Variants in GSAP observed in about 807,000 individuals in gnomAD.
The protein encoded by GSAP is gamma-secretase-activating protein.
GSAP carries 118 observed loss-of-function variants against 131.7 expected under a neutral mutation model. The observed-to-expected ratio is 0.90, with a 90% confidence interval of 0.77 to 1.04. The LOEUF is 1.04. Among genes scored for constraint, GSAP ranks in the 50% least tolerant of loss-of-function variants. GSAP has a pLI of 0.00. For missense variants in GSAP, 1,019 were observed against 1,013.2 expected, an observed-to-expected ratio of 1.01 and a Z score of -0.08; for synonymous variants, 381 against 363.4, an observed-to-expected ratio of 1.05 and a Z score of -0.55.
At chr7:77,362,699 C>T (rs1794716919) in intron 12 of GSAP, 39 bp from the exon 13 acceptor site, 5 of 1,158,542 alleles carry the variant, frequency 4.3e-6, no homozygotes, top group Non-Finnish European at 6.5e-6. Context: ...TTAACAGAAT[C>T]TATGTCATAA....
In GSAP at chr7:77,323,702, TGTAG is replaced by T; in HGVS notation, c.1864_1867del (p.Leu622ArgfsTer3). On this transcript the variant is annotated frameshift_variant, in exon 24 of 31. Transcript: ENST00000257626. LOFTEE classifies it high-confidence loss of function. ...TTCAATTTTCTTCTTTTCTACACCC[TGTAG>T]GTGTCTCAAAAAATGGTCTTTTAGC... 1 of 1,606,248 alleles carries T rather than the reference TGTAG, an allele frequency of 6.2e-7. No homozygotes were observed. Among genetic ancestry groups the T allele is most frequent in the East Asian group, 2.2e-5 (1 of 44,668 alleles).
intron 23 of GSAP, 95 bp from the exon 24 acceptor site, chr7:77,323,837 T>C: frequency 1.8e-6 from 1 of 544,578 alleles, no homozygotes; most frequent in South Asian, 2.5e-5. Context: ...TCTTCATCAA[T>C]ATAAAAAATA....
chr7:77,379,954 A>T, intron 8 of GSAP: 1 of 875,090 alleles, frequency 1.1e-6, no homozygotes, highest in Non-Finnish European at 1.4e-6. Context: ...TTAACTTTAA[A>T]ATCTTCAGAG....
intron 19 of GSAP, among the ~76,000 whole-genome samples, chr7:77,348,962 ACGTGCG>A (rs1339392826): frequency 2.6e-5 from 4 of 152,144 alleles, no homozygotes; most frequent in African/African-American, 7.2e-5. Context: ...GTGCACGTGC[ACGTGCG>A]CAAGCTCATT....
intron 1 of GSAP, among the ~76,000 whole-genome samples, chr7:77,412,151 C>T (rs959331995): frequency 2.0e-5 from 3 of 152,096 alleles, no homozygotes; most frequent in African/African-American, 7.2e-5. Flanking sequence ...TGCACTCCAG[C>T]TGGGTGACAG....
At chr7:77,353,765 T>C in intron 16 of GSAP, 124 bp from the exon 17 acceptor site, 2 of 625,776 alleles carry the variant, frequency 3.2e-6, no homozygotes, top group South Asian at 1.9e-5. Context: ...CCTAAGAATA[T>C]ACTCACTTCT....
At chr7:77,397,889 ACCTCAGT>A (rs1188127239) in intron 3 of GSAP, among the ~76,000 whole-genome samples, 8 of 152,176 alleles carry the variant, frequency 5.3e-5, no homozygotes, top group African/African-American at 1.9e-4. Context: ...GTAATTAATT[ACCTCAGT>A]AATCATTAGT....
chr7:77,313,484 T>C lies in GSAP; in HGVS notation c.2271+4A>G. 1 of 1,488,190 alleles carries C rather than the reference T, an allele frequency of 6.7e-7. No homozygotes were observed. Among genetic ancestry groups the C allele is most frequent in the Non-Finnish European group, 9.4e-7 (1 of 1,067,408 alleles). The allele number at this position is 1,488,190 out of a possible 1,614,324, so 92.2% of individuals were successfully genotyped here. On this transcript the variant is annotated splice_donor_region_variant and intron_variant, in intron 28 of 30. Coordinates refer to ENST00000257626, the MANE Select transcript of GSAP (RefSeq NM_017439.4). ...GGAGAAAATAAAATGTAACTCAGTA[T>C]TACCGGAGGAAGCCGCACAATGATA...
chr7:77,359,898 T>C (rs539347490), intron 14 of GSAP, among the ~76,000 whole-genome samples: 2 of 152,280 alleles, frequency 1.3e-5, no homozygotes, highest in East Asian at 3.9e-4. Flanking sequence ...CTATAATATT[T>C]CTCTCTCTTA....
intron 14 of GSAP, 56 bp from the exon 15 acceptor site, chr7:77,355,703 G>T: frequency 1.1e-6 from 1 of 948,148 alleles, no homozygotes; most frequent in Non-Finnish European, 1.7e-6. Flanking sequence ...CACAGGTACA[G>T]AATGTCACAT....
intron 19 of GSAP, 23 bp from the exon 20 acceptor site, chr7:77,330,390 T>C: frequency 1.2e-6 from 2 of 1,610,636 alleles, no homozygotes; most frequent in South Asian, 2.2e-5. Context: ...AAAACATCAG[T>C]GGCCTTCAGA....
At position 77,314,386 on chromosome 7, in the gene GSAP, G is replaced by T; in HGVS notation, c.2193C>A (p.Val731=). 1 of 1,613,684 alleles carries T rather than the reference G, an allele frequency of 6.2e-7. No individual in the cohort carries two copies. The highest frequency in any genetic ancestry group is 1.1e-5 in the South Asian group (1 of 91,044). The change falls in exon 27 of 31, where the codon GTC becomes GTA. Residue 731 remains valine, a synonymous_variant. Coordinates refer to ENST00000257626, the MANE Select transcript of GSAP (RefSeq NM_017439.4). ...SGVLLLTETA[V]IRLMKDLDNT... ...GCTTCTTACCTTTCATGAGCCTTAT[G>T]ACAGCTGTTTCAGTGAGAAGCAACA...
At chr7:77,403,944 A>T (rs1205585530) in intron 3 of GSAP, among the ~76,000 whole-genome samples, 1 of 152,232 alleles carries the variant, frequency 6.6e-6, no homozygotes, top group Non-Finnish European at 1.5e-5. Context: ...CAAAAGAATT[A>T]AAAAATACCT....
intron 19 of GSAP, among the ~76,000 whole-genome samples, chr7:77,336,050 G>C (rs1382014903): frequency 6.6e-6 from 1 of 152,178 alleles, no homozygotes; most frequent in Non-Finnish European, 1.5e-5. Context: ...GCCCACTTAG[G>C]GAAACGCATG....
chr7:77,398,859 A>G (rs1001317335), intron 3 of GSAP, among the ~76,000 whole-genome samples: 9 of 152,206 alleles, frequency 5.9e-5, no homozygotes, highest in Non-Finnish European at 1.3e-4. Context: ...TAAATTTTCT[A>G]TATTTATGCA....
chr7:77,416,376 G>A (rs1243203868), upstream of GSAP: 4 of 941,492 alleles, frequency 4.2e-6, no homozygotes, highest in Admixed American at 7.8e-5. Context: ...GGCATTCCCG[G>A]CCCCGCGTGG....
intron 5 of GSAP, among the ~76,000 whole-genome samples, chr7:77,393,539 C>T (rs1563106678): frequency 6.6e-6 from 1 of 152,112 alleles, no homozygotes; most frequent in Non-Finnish European, 1.5e-5. Flanking sequence ...CTCCCATACA[C>T]ACATACACAC....
intron 1 of GSAP, chr7:77,415,880 G>A (rs938861155): frequency 1.2e-4 from 32 of 257,460 alleles, no homozygotes; most frequent in Non-Finnish European, 2.0e-4. Context: ...CCGCTGAGCT[G>A]AGCACGACCC....
chr7:77,319,503 TAAAA>T (rs918205818), intron 26 of GSAP, among the ~76,000 whole-genome samples: 34 of 151,862 alleles, frequency 2.2e-4, no homozygotes, highest in African/African-American at 7.7e-4. Flanking sequence ...TCAAAAAATT[TAAAA>T]AAAAGAATCA....
Sources: gnomAD v4.1 joint callset for allele counts (sites outside exome capture counted in the v4.1 genomes callset) on GRCh38, gnomAD v4.1.1 for gene constraint, MANE v1.5 for transcripts, NCBI Gene and HGNC (gene_info 2026-07-23, HGNC 2026-07-21) for gene names.